FBXL2: variants seen among roughly 807,000 people sequenced by gnomAD.
The protein encoded by FBXL2 is F-box/LRR-repeat protein 2.
FBXL2 carries 38 observed loss-of-function variants against 69.2 expected under a neutral mutation model. The observed-to-expected ratio is 0.55, with a 90% CI of 0.42 to 0.72. The LOEUF (loss-of-function observed/expected upper bound fraction) is 0.72. Ranked by LOEUF, FBXL2 falls within the 30% of genes least tolerant of loss-of-function variation. The probability of loss-of-function intolerance (pLI) is 0.00; values close to 1 mark genes in which losing one functional copy is unlikely to be tolerated. For missense variants in FBXL2, 354 were observed against 520.3 expected (o/e 0.68, Z 3.11); for synonymous variants, 192 against 201.3 (o/e 0.95, Z 0.39).
intron 2 of FBXL2, among the ~76,000 whole-genome samples, chr3:33,345,074 C>T (rs2040335701): frequency 1.3e-5 from 2 of 152,214 alleles, no homozygotes; most frequent in South Asian, 4.1e-4. Context: ...AGAACATTTA[C>T]TATATTCATT....
intron 12 of FBXL2, chr3:33,393,288 G>T: frequency 6.3e-7 from 1 of 1,578,090 alleles, no homozygotes; most frequent in Non-Finnish European, 8.6e-7. Context: ...AGTCTGAAAA[G>T]GAAAAACAAA....
chr3:33,412,556 T>C, the FBXL2 span, among the ~76,000 whole-genome samples: 2 of 145,248 alleles, frequency 1.4e-5, no homozygotes, highest in African/African-American at 2.6e-5. Flanking sequence ...GCACTTATCC[T>C]GGGCGAGAGA....
At chr3:33,352,241 G>A (rs939256017) in intron 2 of FBXL2, among the ~76,000 whole-genome samples, 2 of 151,968 alleles carry the variant, frequency 1.3e-5, no homozygotes, top group Non-Finnish European at 2.9e-5. Context: ...CATTTTTTTC[G>A]ACAAATGGTG....
At chr3:33,377,919 G>C (rs1392651469) in intron 11 of FBXL2, among the ~76,000 whole-genome samples, 184 bp from the exon 12 acceptor site, 1 of 152,202 alleles carries the variant, frequency 6.6e-6, no homozygotes, top group Non-Finnish European at 1.5e-5. Context: ...CAGTTCCAAA[G>C]CACTGTAACT....
chr3:33,419,775 C>T, the FBXL2 span, among the ~76,000 whole-genome samples: 1 of 152,190 alleles, frequency 6.6e-6, no homozygotes, highest in Admixed American at 6.5e-5. Context: ...CCTAATTTGT[C>T]CCCAATCCAT....
chr3:33,282,971 T>C (rs990362778), intron 1 of FBXL2, among the ~76,000 whole-genome samples: 12 of 152,232 alleles, frequency 7.9e-5, no homozygotes, highest in Non-Finnish European at 1.6e-4. Flanking sequence ...GTTTTCTAAA[T>C]ATACAATCAT....
chr3:33,419,101 A>G, the FBXL2 span, among the ~76,000 whole-genome samples: 2 of 152,188 alleles, frequency 1.3e-5, no homozygotes, highest in African/African-American at 2.4e-5. Flanking sequence ...GTGTAACAGA[A>G]AGAAGAGTTG....
At chr3:33,314,176 A>G (rs935465659) in intron 2 of FBXL2, among the ~76,000 whole-genome samples, 1 of 152,154 alleles carries the variant, frequency 6.6e-6, no homozygotes, top group Non-Finnish European at 1.5e-5. Context: ...GGTATACATG[A>G]CAACATGATG....
At chr3:33,326,343 A>G (rs2038687376) in intron 2 of FBXL2, among the ~76,000 whole-genome samples, 1 of 152,048 alleles carries the variant, frequency 6.6e-6, no homozygotes, top group Non-Finnish European at 1.5e-5. Flanking sequence ...AACTAAAAAT[A>G]CAAAAAAAAA....
chr3:33,328,021 G>A (rs1393193761), intron 2 of FBXL2, among the ~76,000 whole-genome samples: 1 of 149,028 alleles, frequency 6.7e-6, no homozygotes, highest in Non-Finnish European at 1.5e-5. Flanking sequence ...TACAAAGGCA[G>A]CATACAAAAG....
In FBXL2 at chr3:33,277,484, G is replaced by A; in HGVS notation, c.-29G>A. ...CGTCGCCGGCGCCGTGTGACTTCGG[G>A]CTGTGGGCTCGCTCGCGGCTCTTCG... On this transcript the variant is annotated 5_prime_UTR_variant, in exon 1 of 15. Coordinates refer to ENST00000484457, the MANE Select transcript of FBXL2 (RefSeq NM_012157.5). 7.7e-7 allele frequency: 1 copy of A among 1,294,304 alleles called. No individual in the cohort carries two copies. The highest frequency in any genetic ancestry group is 9.9e-7 in the Non-Finnish European group (1 of 1,012,826). 80.2% of individuals were successfully genotyped at this position (1,294,304 alleles called of 1,614,324 possible). A position where few individuals can be genotyped will look rare whatever the true frequency, so the allele number is the denominator to read the frequency against.
chr3:33,338,932 T>C (rs1369012077), intron 2 of FBXL2, among the ~76,000 whole-genome samples: 1 of 152,152 alleles, frequency 6.6e-6, no homozygotes, highest in African/African-American at 2.4e-5. Flanking sequence ...CAGTGGGACC[T>C]ACGTAAACTA....
At chr3:33,414,890 A>G in the FBXL2 span, among the ~76,000 whole-genome samples, 1 of 152,216 alleles carries the variant, frequency 6.6e-6, no homozygotes, top group Admixed American at 6.5e-5. Context: ...GTCTAGGTGG[A>G]ATATACTAGT....
chr3:33,283,362 G>A (rs148238836), intron 1 of FBXL2, among the ~76,000 whole-genome samples: 1 of 152,290 alleles, frequency 6.6e-6, no homozygotes, highest in African/African-American at 2.4e-5. Context: ...ATTGATTTGT[G>A]TATGTTGAAC....
At chr3:33,339,514 A>C (rs1029630402) in intron 2 of FBXL2, among the ~76,000 whole-genome samples, 1 of 152,232 alleles carries the variant, frequency 6.6e-6, no homozygotes. Context: ...ATATGTGGAC[A>C]CAGAAAAGGA....
intron 10 of FBXL2, 149 bp downstream of exon 10, chr3:33,375,567 G>GGGTGA (rs1356008099): frequency 1.2e-6 from 1 of 821,304 alleles, no homozygotes; most frequent in Non-Finnish European, 1.9e-6. Flanking sequence ...AATTGGGGTG[G>GGGTGA]GGCGTGTATA....
At position 33,386,050 on chromosome 3, in the gene FBXL2, G is replaced by C. The variant is rs986905814; in HGVS notation, c.*442G>C. On this transcript the variant is annotated 3_prime_UTR_variant, in exon 15 of 15. Coordinates refer to ENST00000484457, the MANE Select transcript of FBXL2 (RefSeq NM_012157.5). ...ATTCACAATTCCATTTTGATTAGCAGGACTTTTCCACTTTGAAGATAAATA... is the reference window on the plus strand; with the variant it reads ...ATTCACAATTCCATTTTGATTAGCACGACTTTTCCACTTTGAAGATAAATA... 3 of 170,014 alleles carry C rather than the reference G, an allele frequency of 1.8e-5. No individual in the cohort carries two copies. Among genetic ancestry groups the C allele is most frequent in the Admixed American group, 1.6e-4 (3 of 18,562 alleles). 10.5% of individuals were successfully genotyped at this position (170,014 alleles called of 1,614,324 possible).
chr3:33,411,451 TA>T, the FBXL2 span: 1 of 720,132 alleles, frequency 1.4e-6, no homozygotes, highest in Non-Finnish European at 2.3e-6. Context: ...CCTAACTATG[TA>T]TATAGAAAGA....
the FBXL2 span, chr3:33,412,716 C>A: frequency 1.3e-6 from 2 of 1,584,094 alleles, no homozygotes; most frequent in South Asian, 2.2e-5. Context: ...TGATCACTGC[C>A]TGTACCTAAA....
Sources: allele counts gnomAD v4.1 joint callset (sites outside exome capture counted in the v4.1 genomes callset), GRCh38; gene constraint gnomAD v4.1.1; transcripts MANE v1.5; gene names NCBI Gene and HGNC (gene_info 2026-07-23, HGNC 2026-07-21).